The following SMAP1 variants were observed in gnomAD, a reference collection of about 807,000 sequenced individuals.
SMAP1 encodes stromal membrane-associated protein 1.
In SMAP1, 24 loss-of-function variants were observed where a neutral mutation model predicts 58.5. That is an observed-to-expected ratio of 0.41 (90% CI 0.30 to 0.58). SMAP1 has a LOEUF of 0.58. Among genes scored for constraint, SMAP1 ranks in the 20% least tolerant of loss-of-function variants. The pLI, the probability that SMAP1 is intolerant of heterozygous loss-of-function variation, is 0.29. For synonymous variants in SMAP1, 216 were observed against 196.6 expected, an observed-to-expected ratio of 1.10 and a Z score of -0.82; for missense variants, 563 against 566.3, an observed-to-expected ratio of 0.99 and a Z score of 0.06.
intron 6 of SMAP1, among the ~76,000 whole-genome samples, chr6:70,834,025 A>G (rs1197773510): frequency 6.6e-6 from 1 of 152,220 alleles, no homozygotes; most frequent in Non-Finnish European, 1.5e-5. Context: ...ACACAGATAC[A>G]TGTGTGAACA....
chr6:70,831,246 G>T (rs944246678), intron 6 of SMAP1, among the ~76,000 whole-genome samples: 52 of 152,192 alleles, frequency 3.4e-4, no homozygotes, highest in African/African-American at 1.1e-3. Context: ...ATTGGAAGTA[G>T]TCTTTTCTTA....
chr6:70,715,777 G>A (rs1768243922), intron 1 of SMAP1, among the ~76,000 whole-genome samples: 1 of 152,208 alleles, frequency 6.6e-6, no homozygotes, highest in Non-Finnish European at 1.5e-5. Flanking sequence ...GGGAACAAGT[G>A]GTATTTGGTT....
intron 6 of SMAP1, among the ~76,000 whole-genome samples, chr6:70,810,841 C>G (rs763360936): frequency 1.3e-5 from 2 of 152,232 alleles, no homozygotes; most frequent in Non-Finnish European, 2.9e-5. Flanking sequence ...CACCTGGCTC[C>G]CCTTTTTTTA....
Position 70,780,027 on chromosome 6 carries a change from G to A in SMAP1, c.414+6602G>A, listed in dbSNP as rs374767009. ...GTGAGTTGATGTACTTCAACTGTAC[G>A]GCTGCATCTGGTGGCAGGCTTTAAG... On this transcript the variant is annotated intron_variant, in intron 4 of 10. Coordinates refer to ENST00000370455, the MANE Select transcript of SMAP1 (RefSeq NM_001044305.3). 1.6e-4 allele frequency among the ~76,000 whole-genome samples: 24 copies of A among 152,222 alleles called. No individual in the cohort carries two copies. In the East Asian group the frequency reaches 3.7e-3, roughly 23 times the overall value.
At chr6:70,679,974 T>G (rs118030874) in intron 1 of SMAP1, among the ~76,000 whole-genome samples, 4,763 of 152,286 alleles carry the variant, frequency 0.031, 125 homozygotes, top group South Asian at 0.066. Flanking sequence ...CAACCTGCCT[T>G]TAACAGTTAT....
intron 7 of SMAP1, chr6:70,837,656 T>TTC (rs200987484): frequency 6.5e-6 from 3 of 464,776 alleles, no homozygotes; most frequent in South Asian, 3.5e-5. Flanking sequence ...TATTGTTAGC[T>TTC]TCTCTCTCTC....
intron 6 of SMAP1, among the ~76,000 whole-genome samples, chr6:70,799,146 C>T (rs556926219): frequency 3.3e-5 from 5 of 152,154 alleles, no homozygotes; most frequent in East Asian, 1.9e-4. Context: ...AGGTGGAAAA[C>T]GGGTACATGT....
intron 6 of SMAP1, among the ~76,000 whole-genome samples, chr6:70,807,197 T>G (rs1769171666): frequency 6.6e-6 from 1 of 152,232 alleles, no homozygotes; most frequent in South Asian, 2.1e-4. Flanking sequence ...TCTACTACTT[T>G]TGTTTAAATT....
At chr6:70,697,568 A>G (rs1488442123) in intron 1 of SMAP1, among the ~76,000 whole-genome samples, 1 of 151,926 alleles carries the variant, frequency 6.6e-6, no homozygotes, top group East Asian at 1.9e-4. Context: ...GGCCTCCCCA[A>G]GTGCTGGGAT....
intron 2 of SMAP1, among the ~76,000 whole-genome samples, chr6:70,742,120 A>T (rs2149874188): frequency 6.6e-6 from 1 of 152,250 alleles, no homozygotes; most frequent in Admixed American, 6.5e-5. Flanking sequence ...CATTTTCCCC[A>T]TTGTCTTGTT....
At chr6:70,787,815 G>A (rs1168518541) in intron 4 of SMAP1, among the ~76,000 whole-genome samples, 1 of 151,612 alleles carries the variant, frequency 6.6e-6, no homozygotes, top group East Asian at 1.9e-4. Flanking sequence ...TGCTGGAGAG[G>A]ATGTGGAGAA....
chr6:70,807,869 CAGAAAG>C (rs1048646913), intron 6 of SMAP1, among the ~76,000 whole-genome samples: 87 of 152,140 alleles, frequency 5.7e-4, no homozygotes, highest in African/African-American at 1.9e-3. Flanking sequence ...TTTGATTCCT[CAGAAAG>C]TTGACCACTA....
chr6:70,711,477 T>C (rs1191688053), intron 1 of SMAP1, among the ~76,000 whole-genome samples: 4 of 152,164 alleles, frequency 2.6e-5, no homozygotes, highest in Admixed American at 2.6e-4. Context: ...AGCTGATTTT[T>C]GTATGTTGAT....
chr6:70,702,379 G>C (rs1182203946), intron 1 of SMAP1, among the ~76,000 whole-genome samples: 2 of 126,250 alleles, frequency 1.6e-5, no homozygotes, highest in African/African-American at 5.6e-5. Flanking sequence ...TCAGTTACAT[G>C]CTTTTTTTTT....
intron 1 of SMAP1, among the ~76,000 whole-genome samples, chr6:70,708,071 A>G (rs952519559): frequency 2.0e-5 from 3 of 152,138 alleles, no homozygotes; most frequent in African/African-American, 7.2e-5. Context: ...CTCTAGACTT[A>G]GCAATCTTAC....
intron 1 of SMAP1, among the ~76,000 whole-genome samples, chr6:70,703,843 G>A (rs921364999): frequency 5.9e-5 from 9 of 152,308 alleles, no homozygotes; most frequent in Non-Finnish European, 1.2e-4. Context: ...GAGTTAGGGA[G>A]GCCACTGGGC....
chr6:70,696,766 C>T (rs192594843), intron 1 of SMAP1, among the ~76,000 whole-genome samples: 17 of 152,216 alleles, frequency 1.1e-4, no homozygotes, highest in Admixed American at 1.0e-3. Flanking sequence ...CCGTTTTGGT[C>T]TATAGTTCAG....
At chr6:70,678,500 TAAC>T (rs1766571548) in intron 1 of SMAP1, among the ~76,000 whole-genome samples, 1 of 152,222 alleles carries the variant, frequency 6.6e-6, no homozygotes, top group African/African-American at 2.4e-5. Flanking sequence ...ACAAAAAAAT[TAAC>T]AGAAGAATGT....
intron 6 of SMAP1, among the ~76,000 whole-genome samples, chr6:70,812,540 G>T (rs1031599378): frequency 6.6e-6 from 1 of 152,094 alleles, no homozygotes; most frequent in African/African-American, 2.4e-5. Flanking sequence ...AGTTTTTCTA[G>T]AGTACTGCAT....
Sources: gnomAD v4.1 joint callset for allele counts (sites outside exome capture counted in the v4.1 genomes callset) on GRCh38, gnomAD v4.1.1 for gene constraint, MANE v1.5 for transcripts, NCBI Gene and HGNC (gene_info 2026-07-23, HGNC 2026-07-21) for gene names.